TCF12: variants seen among roughly 807,000 people sequenced by gnomAD.
TCF12 encodes the protein DNA-binding protein HTF4.
Under a neutral mutation model 86.0 loss-of-function variants are expected in TCF12, and 45 were observed. The observed-to-expected ratio is 0.52, with a 90% CI of 0.41 to 0.67. The LOEUF (loss-of-function observed/expected upper bound fraction) is 0.67. Among genes scored for constraint, TCF12 ranks in the 30% least tolerant of loss-of-function variants. TCF12 has a pLI of 0.00. For missense variants in TCF12, 881 were observed against 859.9 expected, an observed-to-expected ratio of 1.02 and a Z score of -0.31; for synonymous variants, 330 against 299.6, an observed-to-expected ratio of 1.10 and a Z score of -1.05.
chr15:57,207,065 C>G (rs980009735), intron 8 of TCF12, among the ~76,000 whole-genome samples: 1 of 151,896 alleles, frequency 6.6e-6, no homozygotes. Flanking sequence ...TGTGATCACA[C>G]CACTACACTC....
At chr15:57,237,526 G>T (rs1293173224) in intron 12 of TCF12, among the ~76,000 whole-genome samples, 1 of 152,134 alleles carries the variant, frequency 6.6e-6, no homozygotes, top group Non-Finnish European at 1.5e-5. Flanking sequence ...TTTAAGCCTG[G>T]CAGAAGGCAT....
Position 57,282,492 on chromosome 15 carries a change from GAAA to G in TCF12, c.2029_2031del (p.Lys677del). ...AGCCTGCCTTAAGAGAAGGGAAGAAGAAAAAGTTTCTGCCGTATCGGCAGAGCC... is the reference window on the plus strand; with the variant it reads ...AGCCTGCCTTAAGAGAAGGGAAGAAGAAGTTTCTGCCGTATCGGCAGAGCC... On this transcript the variant is annotated inframe_deletion, in exon 20 of 21. Transcript: ENST00000333725. The G allele has an allele frequency of 6.2e-7, 1 of 1,614,202 alleles. No homozygotes were observed. Among genetic ancestry groups the G allele is most frequent in the Non-Finnish European group, 8.5e-7 (1 of 1,180,036 alleles).
chr15:56,929,185 T>C (rs1010432140), intron 3 of TCF12, among the ~76,000 whole-genome samples: 2 of 152,130 alleles, frequency 1.3e-5, no homozygotes. Context: ...AGGGTCAGGG[T>C]GGAATGGAAT....
At chr15:56,990,240 TCTGTGTGTGCGTGTGC>T (rs1345018498) in intron 3 of TCF12, among the ~76,000 whole-genome samples, 2 of 140,690 alleles carry the variant, frequency 1.4e-5, no homozygotes, top group African/African-American at 6.0e-5. Flanking sequence ...TGTGTGTGTG[TCTGTGTGTGCGTGTGC>T]GTGTGTGTGT....
chr15:57,000,800 A>C (rs114410066), intron 3 of TCF12, among the ~76,000 whole-genome samples: 1,664 of 152,120 alleles, frequency 0.011, 32 homozygotes, highest in African/African-American at 0.037. Flanking sequence ...TTTGCCACTG[A>C]GGTATGATTT....
At chr15:56,929,233 A>G (rs1406640063) in intron 3 of TCF12, among the ~76,000 whole-genome samples, 1 of 152,184 alleles carries the variant, frequency 6.6e-6, no homozygotes, top group Non-Finnish European at 1.5e-5. Context: ...ACTCTAGAGC[A>G]TATCTTTAGC....
intron 3 of TCF12, among the ~76,000 whole-genome samples, chr15:57,044,837 G>A (rs769186917): frequency 6.6e-6 from 1 of 152,152 alleles, no homozygotes; most frequent in Non-Finnish European, 1.5e-5. Context: ...TGGACATAAA[G>A]TGGAATGGGA....
At chr15:57,081,181 C>T (rs1032956739) in intron 4 of TCF12, among the ~76,000 whole-genome samples, 7 of 152,130 alleles carry the variant, frequency 4.6e-5, no homozygotes, top group African/African-American at 1.7e-4. Flanking sequence ...ACTTTCATTC[C>T]TTTATTCTTA....
chr15:57,225,045 C>CTTA (rs2151890758), intron 8 of TCF12, among the ~76,000 whole-genome samples: 1 of 151,988 alleles, frequency 6.6e-6, no homozygotes, highest in South Asian at 2.1e-4. Context: ...TTGAAATATT[C>CTTA]TTAGATATTA....
chr15:56,927,149 G>A (rs1286117939), intron 3 of TCF12, among the ~76,000 whole-genome samples: 1 of 152,180 alleles, frequency 6.6e-6, no homozygotes, highest in African/African-American at 2.4e-5. Flanking sequence ...AGTGCTGGAG[G>A]TAGTAAAGAT....
chr15:57,219,224 G>A, intron 8 of TCF12: 5 of 1,117,340 alleles, frequency 4.5e-6, no homozygotes, highest in Non-Finnish European at 5.5e-6. Flanking sequence ...TTTTATTCAG[G>A]GCATATTTAT....
At chr15:57,254,536 A>C (rs1237178470) in intron 16 of TCF12, among the ~76,000 whole-genome samples, 2 of 152,104 alleles carry the variant, frequency 1.3e-5, no homozygotes, top group Non-Finnish European at 2.9e-5. Context: ...TGATAAGCTA[A>C]TAAGTGTCAA....
chr15:57,170,670 T>TATATA, intron 6 of TCF12, among the ~76,000 whole-genome samples: 4 of 12,122 alleles, frequency 3.3e-4, no homozygotes, highest in African/African-American at 1.2e-3. Flanking sequence ...AATATATATA[T>TATATA]ATATAATATA....
intron 1 of TCF12, chr15:56,919,650 G>GA: frequency 3.0e-6 from 1 of 328,432 alleles, no homozygotes; most frequent in Non-Finnish European, 5.7e-6. Flanking sequence ...GAGAGGCGGC[G>GA]AGTTGCGGGA....
At chr15:57,006,591 G>A (rs1047144408) in intron 3 of TCF12, among the ~76,000 whole-genome samples, 3 of 152,036 alleles carry the variant, frequency 2.0e-5, no homozygotes, top group South Asian at 4.2e-4. Context: ...TCAGGAGTTC[G>A]AGATAGCTAT....
At chr15:57,124,764 G>A (rs1335644182) in intron 5 of TCF12, among the ~76,000 whole-genome samples, 6 of 151,504 alleles carry the variant, frequency 4.0e-5, no homozygotes, top group East Asian at 1.9e-4. Context: ...TGCAAGCTCC[G>A]TCTCCCGGGT....
chr15:57,002,072 G>A (rs1596054221), intron 3 of TCF12, among the ~76,000 whole-genome samples: 1 of 152,172 alleles, frequency 6.6e-6, no homozygotes, highest in African/African-American at 2.4e-5. Flanking sequence ...TCTAAATATA[G>A]TTTTCATTGT....
At chr15:57,062,604 A>G (rs757876663) in intron 3 of TCF12, among the ~76,000 whole-genome samples, 7 of 152,092 alleles carry the variant, frequency 4.6e-5, no homozygotes, top group African/African-American at 1.4e-4. Context: ...CATCCTTTCA[A>G]TTTGGCAATT....
intron 5 of TCF12, among the ~76,000 whole-genome samples, chr15:57,130,453 A>G (rs569638954): frequency 2.4e-4 from 36 of 152,300 alleles, no homozygotes; most frequent in African/African-American, 8.7e-4. Flanking sequence ...AAAAAATAGA[A>G]TCTTTTTAGA....
Sources: gnomAD v4.1 joint callset for allele counts (sites outside exome capture counted in the v4.1 genomes callset) on GRCh38, gnomAD v4.1.1 for gene constraint, MANE v1.5 for transcripts, NCBI Gene and HGNC (gene_info 2026-07-23, HGNC 2026-07-21) for gene names.